Variants in DNAH9 observed in about 807,000 individuals in gnomAD.
The protein encoded by DNAH9 is DNAH9 variant protein.
In DNAH9, 345 loss-of-function variants were observed where a neutral mutation model predicts 471.6. That is an observed-to-expected ratio of 0.73 (90% CI 0.67 to 0.80). The LOEUF is 0.80. Ranked by LOEUF, DNAH9 falls within the 30% of genes least tolerant of loss-of-function variation. The pLI, the probability that DNAH9 is intolerant of heterozygous loss-of-function variation, is 0.00. For synonymous variants in DNAH9, 2,093 were observed against 2,123.6 expected (o/e 0.99, Z 0.40); for missense variants, 5,407 against 5,609.2 (o/e 0.96, Z 1.15).
Position 11,651,112 on chromosome 17 carries a change from A to C in DNAH9, c.2141A>C (p.Glu714Ala), listed in dbSNP as rs752334771. 14 of 1,613,990 alleles carry C rather than the reference A, an allele frequency of 8.7e-6. No homozygotes were observed. The highest frequency in any genetic ancestry group is 1.2e-5 in the Non-Finnish European group (14 of 1,180,010). ...LKEMSYLEPREMKHMPETAAA... is the reference protein window; with the variant it reads ...LKEMSYLEPRAMKHMPETAAA... ...GAAATGAGCTATCTTGAACCCAGAG[A>C]GATGAAACACATGCCTGAGACAGCA... The change falls in exon 13 of 69, where the codon GAG becomes GCG. Residue 714 changes from glutamate to alanine, a missense_variant. Around this residue, in one of 3 missense-constraint regions of DNAH9, gnomAD observed 4,636 missense variants for 4,900.3 expected, o/e 0.95. Coordinates refer to ENST00000262442, the MANE Select transcript of DNAH9 (RefSeq NM_001372.4).
intron 33 of DNAH9, among the ~76,000 whole-genome samples, chr17:11,754,147 A>G (rs1275264764): frequency 6.6e-6 from 1 of 151,574 alleles, no homozygotes; most frequent in East Asian, 1.9e-4. Context: ...AAAAAAAAAC[A>G]AAACATGATC....
intron 48 of DNAH9, among the ~76,000 whole-genome samples, chr17:11,827,778 C>T (rs1970547975): frequency 6.6e-6 from 1 of 152,008 alleles, no homozygotes; most frequent in Non-Finnish European, 1.5e-5. Flanking sequence ...CTCCGCCTCC[C>T]AGGCTCAAGC....
At chr17:11,954,338 C>T (rs1975533090) in intron 67 of DNAH9, among the ~76,000 whole-genome samples, 4 of 152,068 alleles carry the variant, frequency 2.6e-5, no homozygotes, top group Admixed American at 1.3e-4. Flanking sequence ...GCTCAACAAG[C>T]CCCATGCAGA....
At chr17:11,839,927 G>A (rs536036916) in intron 49 of DNAH9, among the ~76,000 whole-genome samples, 1 of 152,302 alleles carries the variant, frequency 6.6e-6, no homozygotes, top group African/African-American at 2.4e-5. Flanking sequence ...GTTGGTCAAA[G>A]TGTGAAGAAA....
In DNAH9 at chr17:11,807,795, G is replaced by C; in HGVS notation, c.8484G>C (p.Gly2828=). 6.2e-7 allele frequency: 1 copy of C among 1,614,028 alleles called. No homozygotes were observed. The highest frequency in any genetic ancestry group is 1.1e-5 in the South Asian group (1 of 91,044). The part of the protein sequence containing the change: ...RGNALLVGVG[G]SGKQSLTRLA... The stretch of plus-strand genomic sequence containing the variant: ...ATGCTCTGCTGGTTGGTGTAGGTGG[G>C]AGCGGCAAGCAGAGCCTGACAAGGC... Residue 2828 remains glycine (G), a synonymous_variant, in exon 44 of 69, where the codon GGG becomes GGC. Coordinates refer to ENST00000262442, the MANE Select transcript of DNAH9 (RefSeq NM_001372.4).
chr17:11,850,386 C>T (rs577419036), intron 49 of DNAH9, among the ~76,000 whole-genome samples: 4 of 152,300 alleles, frequency 2.6e-5, no homozygotes, highest in South Asian at 2.1e-4. Flanking sequence ...TGGCGGCTCA[C>T]GCCTGTAATC....
chr17:11,830,165 T>C (rs1970638732), intron 48 of DNAH9, among the ~76,000 whole-genome samples: 1 of 152,244 alleles, frequency 6.6e-6, no homozygotes, highest in Non-Finnish European at 1.5e-5. Flanking sequence ...TCTGCGTCAA[T>C]GTCAGCTGAA....
At chr17:11,647,270 G>T in intron 12 of DNAH9, 72 bp downstream of exon 12, 1 of 1,445,178 alleles carries the variant, frequency 6.9e-7, no homozygotes, top group Non-Finnish European at 9.5e-7. Flanking sequence ...TTTCAAAAGC[G>T]TAAAGACTTT....
intron 45 of DNAH9, among the ~76,000 whole-genome samples, chr17:11,812,750 C>A (rs531140280): frequency 6.6e-6 from 1 of 152,140 alleles, no homozygotes; most frequent in African/African-American, 2.4e-5. Flanking sequence ...ACTCTTACAC[C>A]TTTTCTCCTC....
intron 10 of DNAH9, among the ~76,000 whole-genome samples, chr17:11,643,991 G>A (rs575195725): frequency 6.6e-6 from 1 of 152,332 alleles, no homozygotes; most frequent in African/African-American, 2.4e-5. Context: ...GGAGCTCACA[G>A]GACTGGAAGT....
At chr17:11,904,402 A>G (rs897526932) in intron 60 of DNAH9, among the ~76,000 whole-genome samples, 1 of 152,012 alleles carries the variant, frequency 6.6e-6, no homozygotes, top group Non-Finnish European at 1.5e-5. Context: ...AGGCCGAGGC[A>G]GGAGGATCAC....
At chr17:11,853,833 A>C (rs1262829963) in intron 49 of DNAH9, among the ~76,000 whole-genome samples, 170 bp from the exon 50 acceptor site, 1 of 152,196 alleles carries the variant, frequency 6.6e-6, no homozygotes, top group Non-Finnish European at 1.5e-5. Context: ...GCCACTGAGG[A>C]GTAGCTTTGG....
chr17:11,719,992 G>A (rs867646838), intron 27 of DNAH9, among the ~76,000 whole-genome samples: 38 of 152,186 alleles, frequency 2.5e-4, no homozygotes, highest in South Asian at 2.3e-3. Flanking sequence ...CGTGATTTCT[G>A]AAAGCAGGCT....
At chr17:11,869,425 CCTAATCTGGTCAAAGGAGTTTT>C (rs1462423971) in intron 51 of DNAH9, among the ~76,000 whole-genome samples, 172 bp downstream of exon 51, 6 of 152,088 alleles carry the variant, frequency 3.9e-5, no homozygotes, top group Admixed American at 1.3e-4. Context: ...ATGCATAAAC[CCTAATCTGGTCAAAGGAGTTTT>C]CTTATAGACA....
intron 17 of DNAH9, among the ~76,000 whole-genome samples, chr17:11,673,673 A>T (rs1435225009): frequency 2.6e-5 from 4 of 151,110 alleles, no homozygotes; most frequent in Middle Eastern, 3.4e-3. Flanking sequence ...AATATAACAT[A>T]CATACAATTT....
intron 38 of DNAH9, among the ~76,000 whole-genome samples, chr17:11,774,877 A>G (rs1302572092): frequency 1.3e-5 from 2 of 152,212 alleles, no homozygotes; most frequent in Non-Finnish European, 2.9e-5. Context: ...GTTATAATCG[A>G]CATACAATAA....
At chr17:11,801,077 T>G (rs1468057319) in intron 43 of DNAH9, among the ~76,000 whole-genome samples, 1 of 152,162 alleles carries the variant, frequency 6.6e-6, no homozygotes, top group Non-Finnish European at 1.5e-5. Context: ...CATATATCAT[T>G]GCATTTAGTT....
Position 11,747,775 on chromosome 17 carries a change from G to T in DNAH9, c.6610+9G>T. On this transcript the variant is annotated intron_variant, in intron 32 of 68. Transcript: ENST00000262442. ...AGGAGAATGGAAGGATGGTAAGAGT[G>T]GGATTCTCCCAGGAGAAAGTCTCTG... is the stretch of plus-strand genomic sequence containing the variant. 6.2e-7 allele frequency: 1 copy of T among 1,610,158 alleles called. No homozygotes were observed. The highest frequency in any genetic ancestry group is 1.3e-5 in the African/African-American group (1 of 75,018).
rs533516514 is a variant in DNAH9, at chr17:11,766,946, G to A, written c.7171-1507G>A. Among the ~76,000 whole-genome samples, 245 of 149,774 alleles carry A rather than the reference G, an allele frequency of 1.6e-3. 6 individuals carry two copies. The South Asian group carries it at 0.051, about 31-fold the overall frequency. ...ATCGCGCCACTGCCCTCCAGCCTGGGCAACAGAGCAAGACTCTGTCTCAAA... is the reference window on the plus strand; with the variant it reads ...ATCGCGCCACTGCCCTCCAGCCTGGACAACAGAGCAAGACTCTGTCTCAAA... On this transcript the variant is annotated intron_variant, in intron 36 of 68. Coordinates refer to ENST00000262442, the MANE Select transcript of DNAH9 (RefSeq NM_001372.4).
Sources: allele counts gnomAD v4.1 joint callset (sites outside exome capture counted in the v4.1 genomes callset), GRCh38; gene constraint gnomAD v4.1.1; regional missense constraint gnomAD v4.1.1; transcripts MANE v1.5; gene names NCBI Gene and HGNC (gene_info 2026-07-23, HGNC 2026-07-21).